Variants in PTGES3 observed in about 807,000 individuals in gnomAD.
The protein encoded by PTGES3 is prostaglandin E synthase 3.
In PTGES3, 5 loss-of-function variants were observed where a neutral mutation model predicts 29.9. That is an observed-to-expected ratio of 0.17 (90% CI 0.09 to 0.35). The LOEUF is 0.35. PTGES3 is among the 10% of genes least tolerant of loss of function. The pLI is 1.00. For missense variants in PTGES3, 128 were observed against 190.0 expected (o/e 0.67, Z 1.92); for synonymous variants, 49 against 57.8 (o/e 0.85, Z 0.69).
Position 56,687,223 on chromosome 12 carries a change from C to A in PTGES3, c.2+775G>T, listed in dbSNP as rs547484269. The A allele has an allele frequency of 6.7e-5, 69 of 1,036,638 alleles. 1 individual carries two copies. The highest frequency in any genetic ancestry group is 7.6e-5 in the Non-Finnish European group (66 of 864,126). The allele number at this position is 1,036,638 out of a possible 1,614,324, so 64.2% of individuals were successfully genotyped here. ...CCTACTACATACCTATTTCATCCTACACTGTAACAAGATAGTGAAACCTCA... is the reference window on the plus strand; with the variant it reads ...CCTACTACATACCTATTTCATCCTAAACTGTAACAAGATAGTGAAACCTCA... On this transcript the variant is annotated intron_variant, in intron 1 of 7. Coordinates refer to ENST00000262033, the MANE Select transcript of PTGES3 (RefSeq NM_006601.7).
intron 5 of PTGES3, among the ~76,000 whole-genome samples, chr12:56,669,484 T>C (rs980659098): frequency 6.6e-6 from 1 of 152,174 alleles, no homozygotes; most frequent in Non-Finnish European, 1.5e-5. Flanking sequence ...GGTTTCACCA[T>C]GTTGGTCAGG....
chr12:56,687,103 T>C (rs912499641), intron 1 of PTGES3: 9 of 733,084 alleles, frequency 1.2e-5, no homozygotes, highest in Non-Finnish European at 1.5e-5. Context: ...CGCCAAGGCT[T>C]TCCTTTATCA....
At chr12:56,677,665 TA>T (rs1228805293) in intron 1 of PTGES3, among the ~76,000 whole-genome samples, 2 of 151,760 alleles carry the variant, frequency 1.3e-5, no homozygotes, top group Admixed American at 6.6e-5. Context: ...TTATTATTAT[TA>T]TTTTTTTTTG....
intron 1 of PTGES3, among the ~76,000 whole-genome samples, chr12:56,673,485 GAAAAAAAAA>G (rs1164653881): frequency 1.6e-5 from 1 of 62,884 alleles, no homozygotes; most frequent in Non-Finnish European, 2.6e-5. Context: ...TACAAATACG[GAAAAAAAAA>G]AAAAAAAAAA....
intron 1 of PTGES3, among the ~76,000 whole-genome samples, chr12:56,679,205 T>C (rs542860591): frequency 6.6e-6 from 1 of 151,142 alleles, no homozygotes; most frequent in Non-Finnish European, 1.5e-5. Flanking sequence ...AGGCCAGGAG[T>C]TCAAACCAAC....
chr12:56,666,203 C>A lies in PTGES3; in HGVS notation c.438+1G>T. 6.2e-7 allele frequency: 1 copy of A among 1,607,402 alleles called. No homozygotes were observed. ...ACAGAAAAAAGAATTTTTAGACTTA[C>A]ATCATCTGCTCCATCTACTTCTGGT... On this transcript the variant is annotated splice_donor_variant, in intron 6 of 7. Transcript: ENST00000262033. LOFTEE classifies it high-confidence loss of function.
intron 1 of PTGES3, among the ~76,000 whole-genome samples, chr12:56,676,430 T>G (rs967528018): frequency 9.2e-5 from 14 of 152,094 alleles, no homozygotes; most frequent in Non-Finnish European, 1.5e-4. Flanking sequence ...AACATGATAA[T>G]GGAGTCCTGA....
chr12:56,686,418 G>C (rs112299278), intron 1 of PTGES3, among the ~76,000 whole-genome samples: 1 of 152,082 alleles, frequency 6.6e-6, no homozygotes, highest in Non-Finnish European at 1.5e-5. Context: ...TTGTTGCCCA[G>C]GCTGGAGTGC....
At position 56,663,580 on chromosome 12, in the gene PTGES3, C is replaced by T. The variant is rs564946102; in HGVS notation, c.*899G>A. On this transcript the variant is annotated 3_prime_UTR_variant, in exon 8 of 8. Transcript: ENST00000262033. ...CATAAAAATTACAGTAAGCCAGACACTTAAAAGGACAGCCAAGAAGTCTTC... is the reference window on the plus strand; with the variant it reads ...CATAAAAATTACAGTAAGCCAGACATTTAAAAGGACAGCCAAGAAGTCTTC... 1.3e-5 allele frequency: 2 copies of T among 152,638 alleles called. No homozygotes were observed. The highest frequency in any genetic ancestry group is 2.9e-5 in the Non-Finnish European group (2 of 68,018). The allele number at this position is 152,638 out of a possible 1,614,324, so 9.5% of individuals were successfully genotyped here. A position where few individuals can be genotyped will look rare whatever the true frequency, so the allele number is the denominator to read the frequency against.
At chr12:56,684,832 T>C (rs1374235920) in intron 1 of PTGES3, among the ~76,000 whole-genome samples, 1 of 152,146 alleles carries the variant, frequency 6.6e-6, no homozygotes, top group East Asian at 1.9e-4. Context: ...TGAGACAAAC[T>C]TTTATAACTT....
chr12:56,675,004 CAAAAAAAAA>C (rs1177350725), intron 1 of PTGES3, among the ~76,000 whole-genome samples: 13 of 32,360 alleles, frequency 4.0e-4, no homozygotes, highest in African/African-American at 1.4e-3. Context: ...AACTCGGTCT[CAAAAAAAAA>C]AAAAAAAAAA....
At chr12:56,678,779 G>C (rs1453003704) in intron 1 of PTGES3, among the ~76,000 whole-genome samples, 1 of 152,092 alleles carries the variant, frequency 6.6e-6, no homozygotes, top group African/African-American at 2.4e-5. Context: ...TGCTTGGATT[G>C]GTATATATAG....
chr12:56,676,229 C>CA (rs1419592245), intron 1 of PTGES3, among the ~76,000 whole-genome samples: 1 of 68,816 alleles, frequency 1.5e-5, no homozygotes, highest in Non-Finnish European at 2.7e-5. Flanking sequence ...GTGTCTCCCC[C>CA]CCCAAAAAAA....
At chr12:56,678,940 G>C (rs899560489) in intron 1 of PTGES3, among the ~76,000 whole-genome samples, 2 of 152,094 alleles carry the variant, frequency 1.3e-5, no homozygotes, top group Admixed American at 1.3e-4. Flanking sequence ...AACACTGCGA[G>C]ACCACATCTC....
intron 1 of PTGES3, among the ~76,000 whole-genome samples, chr12:56,676,920 C>CAAAAA (rs34739170): frequency 0.014 from 696 of 50,536 alleles, 131 homozygotes; most frequent in East Asian, 0.019. Flanking sequence ...GATTCCGACT[C>CAAAAA]AAAAAAAAAA....
intron 5 of PTGES3, among the ~76,000 whole-genome samples, chr12:56,669,765 A>G (rs1459591264): frequency 2.0e-5 from 3 of 151,908 alleles, no homozygotes; most frequent in African/African-American, 7.3e-5. Flanking sequence ...GCGCGCCACC[A>G]TGCCCAGCTA....
At chr12:56,686,254 C>A (rs532249790) in intron 1 of PTGES3, among the ~76,000 whole-genome samples, 1 of 152,318 alleles carries the variant, frequency 6.6e-6, no homozygotes, top group Non-Finnish European at 1.5e-5. Flanking sequence ...AATGCCTCAT[C>A]TGACAAAAAA....
At chr12:56,680,968 T>TAC (rs570868146) in intron 1 of PTGES3, among the ~76,000 whole-genome samples, 131 of 151,466 alleles carry the variant, frequency 8.6e-4, no homozygotes, top group African/African-American at 3.1e-3. Context: ...GATGGGGTCT[T>TAC]ACCTTGTTGC....
intron 1 of PTGES3, among the ~76,000 whole-genome samples, chr12:56,685,769 A>G (rs1592288796): frequency 1.1e-5 from 1 of 90,746 alleles, no homozygotes. Flanking sequence ...TGCTACACTT[A>G]CTTTTTTTTT....
Sources: gnomAD v4.1 joint callset for allele counts (sites outside exome capture counted in the v4.1 genomes callset) on GRCh38, gnomAD v4.1.1 for gene constraint, MANE v1.5 for transcripts, NCBI Gene and HGNC (gene_info 2026-07-23, HGNC 2026-07-21) for gene names.